The following FGFR2 variants were observed in gnomAD, a reference collection of about 807,000 sequenced individuals.
The protein encoded by FGFR2 is fibroblast growth factor receptor 2.
Under a neutral mutation model 95.9 loss-of-function variants are expected in FGFR2, and 19 were observed. The ratio of observed to expected loss-of-function variants is 0.20; its 90% CI spans 0.14 to 0.29. The LOEUF is 0.29. FGFR2 is among the 10% of genes least tolerant of loss of function. The pLI is 1.00. For synonymous variants in FGFR2, 392 were observed against 393.3 expected, an observed-to-expected ratio of 1.00 and a Z score of 0.04; for missense variants, 707 against 1,056.9, an observed-to-expected ratio of 0.67 and a Z score of 4.59.
rs1488439834 is a variant in FGFR2, at chr10:121,478,870, A to G, written c.*987T>C. ...TTCAACTAAGGTCTGTCCTCAAGGA[A>G]TGGATTAAGGCATCTTTTAAGAGGA... On this transcript the variant is annotated 3_prime_UTR_variant, in exon 18 of 18. Coordinates refer to ENST00000358487, the MANE Select transcript of FGFR2 (RefSeq NM_000141.5). 1 of 233,394 alleles carries G rather than the reference A, an allele frequency of 4.3e-6. No individual in the cohort carries two copies. The highest frequency in any genetic ancestry group is 2.2e-5 in the African/African-American group (1 of 45,344). The allele number at this position is 233,394 out of a possible 1,614,324, so 14.5% of individuals were successfully genotyped here. A position where few individuals can be genotyped will look rare whatever the true frequency, so the allele number is the denominator to read the frequency against.
At chr10:121,530,486 G>A (rs1384550456) in intron 6 of FGFR2, 3 of 152,552 alleles carry the variant, frequency 2.0e-5, no homozygotes, top group Admixed American at 6.5e-5. Flanking sequence ...AGCCAGGCAT[G>A]ATGATGTCCG....
At chr10:121,484,518 C>A (rs1845160891) in intron 16 of FGFR2, among the ~76,000 whole-genome samples, 1 of 152,172 alleles carries the variant, frequency 6.6e-6, no homozygotes, top group Admixed American at 6.5e-5. Flanking sequence ...CCACGGTACA[C>A]CGAAAAGCAC....
intron 12 of FGFR2, among the ~76,000 whole-genome samples, chr10:121,497,307 C>A (rs1488714563): frequency 2.0e-5 from 3 of 152,160 alleles, no homozygotes; most frequent in Non-Finnish European, 1.5e-5. Flanking sequence ...CATGCTGTCA[C>A]CTGCGCCCTC....
At chr10:121,582,505 A>ACC in intron 2 of FGFR2, among the ~76,000 whole-genome samples, 1 of 152,238 alleles carries the variant, frequency 6.6e-6, no homozygotes, top group East Asian at 1.9e-4. Context: ...CCTAGTCAAG[A>ACC]ACTCTACGGC....
At position 121,501,082 on chromosome 10, in the gene FGFR2, C is replaced by T. The variant is rs1384781174; in HGVS notation, c.1440-135G>A. The T allele has an allele frequency of 5.6e-6, 7 of 1,246,260 alleles. No individual in the cohort carries two copies. In the African/African-American group the frequency reaches 1.0e-4, roughly 18 times the overall value. The allele number at this position is 1,246,260 out of a possible 1,614,324, so 77.2% of individuals were successfully genotyped here. On this transcript the variant is annotated intron_variant, in intron 10 of 17. Transcript: ENST00000358487. ...TGCTTATCATATGGAACTAATGAGACTTAGGGTACACACGCGCCTGAGTAT... is the reference window on the plus strand; with the variant it reads ...TGCTTATCATATGGAACTAATGAGATTTAGGGTACACACGCGCCTGAGTAT...
chr10:121,593,167 C>T (rs536827617), intron 2 of FGFR2, among the ~76,000 whole-genome samples: 1 of 152,224 alleles, frequency 6.6e-6, no homozygotes, highest in Non-Finnish European at 1.5e-5. Context: ...TGTGATGATG[C>T]ATTGCTTAAG....
chr10:121,536,767 G>A (rs917158306), intron 6 of FGFR2, among the ~76,000 whole-genome samples: 8 of 152,130 alleles, frequency 5.3e-5, no homozygotes, highest in Non-Finnish European at 4.4e-5. Flanking sequence ...CTGACTCCAC[G>A]ATGCCTAGAA....
intron 5 of FGFR2, among the ~76,000 whole-genome samples, chr10:121,545,923 C>T (rs1206023008): frequency 1.3e-5 from 2 of 152,160 alleles, no homozygotes; most frequent in African/African-American, 4.8e-5. Flanking sequence ...TAATACCCAA[C>T]GCTGAGGGCT....
intron 10 of FGFR2, among the ~76,000 whole-genome samples, chr10:121,501,477 C>CT (rs548648492): frequency 3.3e-5 from 5 of 150,848 alleles, no homozygotes; most frequent in African/African-American, 9.7e-5. Flanking sequence ...AAATTGGGGA[C>CT]TTTTTTTTTG....
intron 4 of FGFR2, among the ~76,000 whole-genome samples, chr10:121,554,220 T>C (rs1158338733): frequency 6.6e-6 from 1 of 152,134 alleles, no homozygotes; most frequent in Non-Finnish European, 1.5e-5. Flanking sequence ...CAGGCTCCCA[T>C]GTGTGACCAG....
At chr10:121,568,780 C>G (rs7924210) in intron 2 of FGFR2, among the ~76,000 whole-genome samples, 1 of 152,028 alleles carries the variant, frequency 6.6e-6, no homozygotes, top group Admixed American at 6.6e-5. Context: ...ATCAGTAAAC[C>G]CCAAAATCTT....
chr10:121,572,870 A>G (rs1340473950), intron 2 of FGFR2, among the ~76,000 whole-genome samples: 1 of 152,170 alleles, frequency 6.6e-6, no homozygotes, highest in Non-Finnish European at 1.5e-5. Context: ...GCATGAATTT[A>G]CCTCTCTATA....
chr10:121,568,881 A>G (rs1027719180), intron 2 of FGFR2, among the ~76,000 whole-genome samples: 2 of 152,068 alleles, frequency 1.3e-5, no homozygotes, highest in African/African-American at 4.8e-5. Context: ...TCTTATTTGG[A>G]GCTGGACATG....
At chr10:121,555,251 T>C (rs1855970553) in intron 4 of FGFR2, among the ~76,000 whole-genome samples, 1 of 152,140 alleles carries the variant, frequency 6.6e-6, no homozygotes, top group Non-Finnish European at 1.5e-5. Flanking sequence ...CGCATGGCTG[T>C]AGTCCCAGCT....
intron 15 of FGFR2, 112 bp downstream of exon 15, chr10:121,487,239 CCTT>C (rs1780796960): frequency 5.3e-6 from 1 of 188,914 alleles, no homozygotes; most frequent in African/African-American, 2.9e-5. Context: ...AGCTCCTGCA[CCTT>C]CTACGAATGT....
intron 16 of FGFR2, among the ~76,000 whole-genome samples, chr10:121,484,402 C>A (rs1345907741): frequency 6.6e-6 from 1 of 152,030 alleles, no homozygotes; most frequent in Non-Finnish European, 1.5e-5. Flanking sequence ...TTTTGGGTTT[C>A]GACAGATCCT....
chr10:121,593,417 T>C (rs1862962366), intron 2 of FGFR2, among the ~76,000 whole-genome samples: 1 of 152,254 alleles, frequency 6.6e-6, no homozygotes, highest in Admixed American at 6.5e-5. Flanking sequence ...GTTCATCCCT[T>C]CCACAGCTCT....
intron 9 of FGFR2, among the ~76,000 whole-genome samples, chr10:121,504,944 A>G (rs1848086626): frequency 6.6e-6 from 1 of 152,174 alleles, no homozygotes; most frequent in Non-Finnish European, 1.5e-5. Flanking sequence ...CATGAACAAG[A>G]CTTTGGCCCA....
intron 10 of FGFR2, among the ~76,000 whole-genome samples, chr10:121,502,891 G>T (rs1041926178): frequency 6.6e-6 from 1 of 152,116 alleles, no homozygotes; most frequent in Admixed American, 6.5e-5. Context: ...CCTAGAGGAC[G>T]AGGGCTAGGA....
Sources: gnomAD v4.1 joint callset for allele counts (sites outside exome capture counted in the v4.1 genomes callset) on GRCh38, gnomAD v4.1.1 for gene constraint, MANE v1.5 for transcripts, NCBI Gene and HGNC (gene_info 2026-07-23, HGNC 2026-07-21) for gene names.